The following FAM229B variants were observed in gnomAD, a reference collection of about 807,000 sequenced individuals.
FAM229B encodes protein FAM229B.
FAM229B carries 2 observed loss-of-function variants against 6.7 expected under a neutral mutation model. The observed-to-expected ratio is 0.30, with a 90% CI of 0.12 to 0.94. The LOEUF (loss-of-function observed/expected upper bound fraction) is 0.94. Ranked by LOEUF, FAM229B falls within the 40% of genes least tolerant of loss-of-function variation. The probability of loss-of-function intolerance (pLI) is 0.54; values close to 1 mark genes in which losing one functional copy is unlikely to be tolerated. For missense variants in FAM229B, 93 were observed against 96.2 expected, an observed-to-expected ratio of 0.97 and a Z score of 0.14; for synonymous variants, 29 against 34.0, an observed-to-expected ratio of 0.85 and a Z score of 0.51.
At chr6:112,089,268 T>G (rs930864343) in intron 1 of FAM229B, among the ~76,000 whole-genome samples, 9 of 151,486 alleles carry the variant, frequency 5.9e-5, no homozygotes, top group African/African-American at 2.2e-4. Context: ...CTCCTAAAAT[T>G]GAAGGAAGGA....
chr6:112,090,074 A>G (rs1379401461), intron 1 of FAM229B, among the ~76,000 whole-genome samples: 5 of 152,206 alleles, frequency 3.3e-5, no homozygotes, highest in Non-Finnish European at 7.4e-5. Flanking sequence ...AGACTCATCT[A>G]TATAGCACAT....
rs988998052 is a variant in FAM229B at position 112,088,924 on chromosome 6, A to G, written c.-176+1204A>G. Among the ~76,000 whole-genome samples, 19 of 152,268 alleles carry G rather than the reference A, an allele frequency of 1.2e-4. No homozygotes were observed. In the East Asian group the frequency reaches 2.9e-3, roughly 23 times the overall value. ...GTCATTATTCCCCACACAGGAAAGA[A>G]AAGTCCTAACACATCTTATTAATAA... On this transcript the variant is annotated intron_variant, in intron 1 of 3. Coordinates refer to ENST00000368656, the MANE Select transcript of FAM229B (RefSeq NM_001033564.3).
rs201476154 is a variant in FAM229B, at chr6:112,091,248, CTTTA to C, written c.-176+3532_-176+3535del. The stretch of plus-strand genomic sequence containing the variant: ...TATACCACATTTTCTTTATCTGTTT[CTTTA>C]TTTGTTAGAGAGTATGCAAAAACAA... On this transcript the variant is annotated intron_variant, in intron 1 of 3. Coordinates refer to ENST00000368656, the MANE Select transcript of FAM229B (RefSeq NM_001033564.3). 6.8e-3 allele frequency among the ~76,000 whole-genome samples: 1,029 copies of C among 152,064 alleles called. 7 individuals carry two copies. The highest frequency in any genetic ancestry group is 0.024 in the African/African-American group (988 of 41,450).
At chr6:112,093,547 A>C (rs1387861321) in intron 1 of FAM229B, among the ~76,000 whole-genome samples, 1 of 152,108 alleles carries the variant, frequency 6.6e-6, no homozygotes, top group African/African-American at 2.4e-5. Flanking sequence ...CAGTGAAGCC[A>C]ACTATAGCAG....
At chr6:112,095,662 CAAAAA>C (rs376039549) in intron 1 of FAM229B, among the ~76,000 whole-genome samples, 10 of 77,906 alleles carry the variant, frequency 1.3e-4, no homozygotes, top group African/African-American at 4.4e-4. Context: ...AAAAAAAAAC[CAAAAA>C]AAAAAAAAAA....
At chr6:112,095,635 C>CAAA (rs1186446249) in intron 1 of FAM229B, among the ~76,000 whole-genome samples, 11 of 48,772 alleles carry the variant, frequency 2.3e-4, no homozygotes, top group South Asian at 1.4e-3. Context: ...GACCCTGTCT[C>CAAA]AAAAAAAAAA....
Position 112,091,321 on chromosome 6 carries a change from G to A in FAM229B, c.-176+3601G>A, listed in dbSNP as rs587768527. 3.9e-5 allele frequency among the ~76,000 whole-genome samples: 6 copies of A among 152,260 alleles called. No homozygotes were observed. The South Asian group carries it at 1.2e-3, about 32-fold the overall frequency. On this transcript the variant is annotated intron_variant, in intron 1 of 3. Transcript: ENST00000368656. ...GGAGTTCCTCATGAGCCTAAACTGA[G>A]TGCTGATCCTTGCATGGATTCATGG...
Position 112,097,032 on chromosome 6 carries a change from A to G in FAM229B, c.-175-9A>G. On this transcript the variant is annotated splice_polypyrimidine_tract_variant and intron_variant, in intron 1 of 3. Transcript: ENST00000368656. ...TTGGAGCTATGCATTGAGATGTTTG[A>G]TTCTTTAGCAGGTAGGAAACTATGT... 1 of 152,220 alleles carries G rather than the reference A, an allele frequency of 6.6e-6. No individual in the cohort carries two copies. Among genetic ancestry groups the G allele is most frequent in the Non-Finnish European group, 1.5e-5 (1 of 68,036 alleles). The allele number at this position is 152,220 out of a possible 1,614,324, so 9.4% of individuals were successfully genotyped here. A position where few individuals can be genotyped will look rare whatever the true frequency, so the allele number is the denominator to read the frequency against.
chr6:112,095,922 AAG>A (rs1273261176), intron 1 of FAM229B, among the ~76,000 whole-genome samples: 5 of 152,170 alleles, frequency 3.3e-5, no homozygotes, highest in Non-Finnish European at 5.9e-5. Flanking sequence ...TAGTAAGAAA[AAG>A]AAGGTGGAGG....
At chr6:112,100,342 C>T (rs781966694) in intron 3 of FAM229B, among the ~76,000 whole-genome samples, 5 of 152,196 alleles carry the variant, frequency 3.3e-5, no homozygotes, top group Non-Finnish European at 7.3e-5. Context: ...TGAATTGCCA[C>T]GGTATTGTCA....
chr6:112,100,742 G>A lies in FAM229B; in HGVS notation c.198G>A (p.Thr66=), dbSNP rs587630097. The part of the protein sequence containing the change: ...TDVPVTVYAT[T]RKPPAQSSKE... ...TTCCCGTCACTGTTTATGCAACAAC[G>A]AGAAAGCCACCTGCACAAAGCAGCA... Residue 66 remains threonine, a synonymous_variant, in exon 4 of 4, where the codon ACG becomes ACA. Transcript: ENST00000368656. 2.0e-5 allele frequency: 33 copies of A among 1,613,938 alleles called. 1 individual carries two copies. The Admixed American group carries it at 3.2e-4, about 15-fold the overall frequency.
chr6:112,100,045 T>C (rs1368844525), intron 3 of FAM229B, among the ~76,000 whole-genome samples: 1 of 152,226 alleles, frequency 6.6e-6, no homozygotes, highest in Non-Finnish European at 1.5e-5. Context: ...GTGTAGGTAT[T>C]TAAAAATCGG....
intron 2 of FAM229B, 22 bp from the exon 3 acceptor site, chr6:112,099,248 A>G (rs781938545): frequency 1.3e-6 from 2 of 1,597,672 alleles, no homozygotes; most frequent in East Asian, 2.2e-5. Context: ...TAGGTTTTCA[A>G]TATTTTAACT....
At chr6:112,092,505 G>A (rs1278166375) in intron 1 of FAM229B, among the ~76,000 whole-genome samples, 1 of 151,814 alleles carries the variant, frequency 6.6e-6, no homozygotes, top group Non-Finnish European at 1.5e-5. Context: ...AGATATAAAA[G>A]CTAAATTAAT....
At chr6:112,097,850 G>A (rs1777346962) in intron 2 of FAM229B, among the ~76,000 whole-genome samples, 1 of 152,178 alleles carries the variant, frequency 6.6e-6, no homozygotes, top group Non-Finnish European at 1.5e-5. Context: ...TAAGTATTCA[G>A]GGATGACAAA....
chr6:112,089,983 A>G (rs1269616924), intron 1 of FAM229B, among the ~76,000 whole-genome samples: 3 of 152,214 alleles, frequency 2.0e-5, no homozygotes, highest in African/African-American at 4.8e-5. Context: ...TTTTCAGAAT[A>G]AAGAGAGAAT....
At chr6:112,094,084 A>C (rs1160145099) in intron 1 of FAM229B, among the ~76,000 whole-genome samples, 1 of 152,124 alleles carries the variant, frequency 6.6e-6, no homozygotes, top group African/African-American at 2.4e-5. Context: ...TATAGAATTA[A>C]ATGTTTACAT....
rs376039549 is a variant in FAM229B, at chr6:112,095,662, CA to C, written c.-175-1364del. On this transcript the variant is annotated intron_variant, in intron 1 of 3. Coordinates refer to ENST00000368656, the MANE Select transcript of FAM229B (RefSeq NM_001033564.3). Reference sequence around the variant, plus strand: ...AAAAAAAAAAAAAAAAAAAAAAAACCAAAAAAAAAAAAAAAGAAAAAAAAAA... The same window carrying C: ...AAAAAAAAAAAAAAAAAAAAAAAACCAAAAAAAAAAAAAAGAAAAAAAAAA... Among the ~76,000 whole-genome samples the C allele has an allele frequency of 7.8e-3, 606 of 77,874 alleles. 3 individuals carry two copies. The highest frequency in any genetic ancestry group is 0.013 in the African/African-American group (289 of 22,736). The allele number at this position is 77,874 out of a possible 152,430, so 51.1% of individuals were successfully genotyped here. A position where few individuals can be genotyped will look rare whatever the true frequency, so the allele number is the denominator to read the frequency against.
chr6:112,088,074 G>A (rs1777202129), intron 1 of FAM229B, among the ~76,000 whole-genome samples: 1 of 152,200 alleles, frequency 6.6e-6, no homozygotes, highest in Non-Finnish European at 1.5e-5. Context: ...TCGCTGGGAA[G>A]ATTAGAAAGA....
Sources: allele counts gnomAD v4.1 joint callset (sites outside exome capture counted in the v4.1 genomes callset), GRCh38; gene constraint gnomAD v4.1.1; transcripts MANE v1.5; gene names NCBI Gene and HGNC (gene_info 2026-07-23, HGNC 2026-07-21).